MLF1: variants seen among roughly 807,000 people sequenced by gnomAD.
MLF1 encodes myelodysplasia-myeloid leukemia factor 1.
A neutral mutation model predicts 38.3 loss-of-function variants in MLF1; 37 were observed. The ratio of observed to expected loss-of-function variants is 0.96; its 90% CI spans 0.74 to 1.27. The LOEUF (loss-of-function observed/expected upper bound fraction) is 1.27, where lower values mean the gene tolerates loss of function less well. MLF1 is among the 50% of genes most tolerant of loss of function. The pLI is 0.00. For synonymous variants in MLF1, 95 were observed against 106.5 expected (o/e 0.89, Z 0.66); for missense variants, 331 against 349.2 (o/e 0.95, Z 0.42).
chr3:158,602,711 G>GA, intron 6 of MLF1, 96 bp from the exon 7 acceptor site: 1 of 1,249,374 alleles, frequency 8.0e-7, no homozygotes, highest in Non-Finnish European at 1.1e-6. Flanking sequence ...TTACACTAAT[G>GA]AAAACACCAG....
chr3:158,580,742 G>A (rs1315902519), intron 1 of MLF1, among the ~76,000 whole-genome samples: 2 of 150,432 alleles, frequency 1.3e-5, no homozygotes, highest in Non-Finnish European at 2.9e-5. Flanking sequence ...GAGCCCAGGA[G>A]CTCGAGACCA....
chr3:158,588,506 CAGG>C (rs1198598574), intron 1 of MLF1, among the ~76,000 whole-genome samples: 1 of 149,604 alleles, frequency 6.7e-6, no homozygotes, highest in Non-Finnish European at 1.5e-5. Context: ...GGGGCTGAGG[CAGG>C]AGAATGGCGT....
chr3:158,604,449 G>A (rs554874232), intron 7 of MLF1, among the ~76,000 whole-genome samples: 19 of 152,284 alleles, frequency 1.2e-4, no homozygotes, highest in African/African-American at 4.3e-4. Flanking sequence ...ACATGTGGCT[G>A]TTGATTCACA....
At chr3:158,585,056 GAAAA>G (rs1264880198) in intron 1 of MLF1, among the ~76,000 whole-genome samples, 1 of 133,394 alleles carries the variant, frequency 7.5e-6, no homozygotes, top group Admixed American at 7.7e-5. Flanking sequence ...AAAAAAAAAA[GAAAA>G]AGAAAAAGAA....
chr3:158,579,031 G>C (rs1715918764), intron 1 of MLF1, among the ~76,000 whole-genome samples: 1 of 152,022 alleles, frequency 6.6e-6, no homozygotes, highest in African/African-American at 2.4e-5. Flanking sequence ...TGCACCCTAT[G>C]AACATACAAA....
chr3:158,590,014 A>T (rs1488971465), intron 1 of MLF1, among the ~76,000 whole-genome samples: 1 of 152,180 alleles, frequency 6.6e-6, no homozygotes, highest in Non-Finnish European at 1.5e-5. Context: ...AAATCCTTAT[A>T]CACATTAGCA....
At chr3:158,587,743 G>A (rs971727887) in intron 1 of MLF1, among the ~76,000 whole-genome samples, 14 of 152,272 alleles carry the variant, frequency 9.2e-5, no homozygotes, top group Admixed American at 5.9e-4. Context: ...GCCCACGCCC[G>A]TAATCCCAGC....
rs138934456 is a variant in MLF1, at chr3:158,602,996, T to C, written c.746+57T>C. 138 of 1,476,636 alleles carry C rather than the reference T, an allele frequency of 9.3e-5. 1 individual carries two copies. The East Asian group carries it at 3.0e-3, about 32-fold the overall frequency. 91.5% of individuals were successfully genotyped at this position (1,476,636 alleles called of 1,614,324 possible). ...TTAAGAAGAATTTGAAGTAAAGTTATGTAATTTACTTCTGTTATCAGAAAG... is the reference window on the plus strand; with the variant it reads ...TTAAGAAGAATTTGAAGTAAAGTTACGTAATTTACTTCTGTTATCAGAAAG... On this transcript the variant is annotated intron_variant, in intron 7 of 7. Transcript: ENST00000466246.
At chr3:158,588,276 C>T (rs986533678) in intron 1 of MLF1, among the ~76,000 whole-genome samples, 3 of 152,182 alleles carry the variant, frequency 2.0e-5, no homozygotes, top group South Asian at 4.1e-4. Flanking sequence ...TCAGAACTAC[C>T]CACCTAAACT....
chr3:158,582,178 A>C (rs1484511994), intron 1 of MLF1, among the ~76,000 whole-genome samples: 1 of 147,264 alleles, frequency 6.8e-6, no homozygotes, highest in Non-Finnish European at 1.5e-5. Flanking sequence ...AGACTCTGTC[A>C]AAAAAAAAAG....
At chr3:158,582,060 A>T (rs1489716318) in intron 1 of MLF1, among the ~76,000 whole-genome samples, 1 of 152,092 alleles carries the variant, frequency 6.6e-6, no homozygotes, top group Non-Finnish European at 1.5e-5. Flanking sequence ...CATGCCTGTA[A>T]TCCCAGCTAC....
Position 158,596,952 on chromosome 3 carries a change from A to G in MLF1, c.324+7A>G, listed in dbSNP as rs769403024. On this transcript the variant is annotated splice_region_variant and intron_variant, in intron 4 of 7. Transcript: ENST00000466246. ...GAAATTAGAAAGAAACTTCGTAAGT[A>G]CTAAAAACAAAGCATTGAGAACATT... is the stretch of plus-strand genomic sequence containing the variant. 139 of 1,549,766 alleles carry G rather than the reference A, an allele frequency of 9.0e-5. 1 individual carries two copies. The East Asian group carries it at 3.0e-3, about 34-fold the overall frequency.
intron 7 of MLF1, among the ~76,000 whole-genome samples, chr3:158,603,816 G>C (rs1720136438): frequency 6.6e-6 from 1 of 152,072 alleles, no homozygotes; most frequent in Admixed American, 6.6e-5. Context: ...TACAGCCTGA[G>C]TGACAGAGCA....
At chr3:158,599,805 G>T (rs1719471604) in intron 5 of MLF1, among the ~76,000 whole-genome samples, 1 of 152,032 alleles carries the variant, frequency 6.6e-6, no homozygotes, top group African/African-American at 2.4e-5. Flanking sequence ...AATTGTATGG[G>T]TTCTGTTTGT....
chr3:158,599,458 G>A (rs1303799146), intron 5 of MLF1, among the ~76,000 whole-genome samples: 1 of 152,160 alleles, frequency 6.6e-6, no homozygotes, highest in Non-Finnish European at 1.5e-5. Context: ...TTTTAATGAT[G>A]CTTTTGCCAT....
chr3:158,602,038 G>T (rs1719861649), intron 6 of MLF1, among the ~76,000 whole-genome samples: 1 of 151,922 alleles, frequency 6.6e-6, no homozygotes. Context: ...GGATGGTCTT[G>T]ATCTCCTGAC....
chr3:158,600,243 T>C (rs1719548429), intron 6 of MLF1, 70 bp downstream of exon 6: 2 of 965,054 alleles, frequency 2.1e-6, no homozygotes, highest in Admixed American at 6.8e-5. Context: ...GATGAATTTT[T>C]TTTTAGAAAC....
intron 1 of MLF1, chr3:158,582,784 G>A: frequency 1.6e-6 from 1 of 631,540 alleles, no homozygotes; most frequent in Non-Finnish European, 2.8e-6. Context: ...GACTGTCTCA[G>A]ACAAACAAAA....
At chr3:158,591,451 C>T (rs1042190893) in intron 1 of MLF1, among the ~76,000 whole-genome samples, 13 of 152,052 alleles carry the variant, frequency 8.5e-5, no homozygotes, top group East Asian at 3.9e-4. Context: ...TGAGGCACCA[C>T]GCCTGGCCAA....
Sources: gnomAD v4.1 joint callset for allele counts (sites outside exome capture counted in the v4.1 genomes callset) on GRCh38, gnomAD v4.1.1 for gene constraint, MANE v1.5 for transcripts, NCBI Gene and HGNC (gene_info 2026-07-23, HGNC 2026-07-21) for gene names.